Variants in FBXL17 observed in about 807,000 individuals in gnomAD.
FBXL17 encodes the protein F-box and leucine rich repeat protein 17.
In FBXL17, 22 loss-of-function variants were observed where a neutral mutation model predicts 66.2. That is an observed-to-expected ratio of 0.33 (90% CI 0.24 to 0.47). FBXL17 has a LOEUF of 0.47. Among genes scored for constraint, FBXL17 ranks in the 20% least tolerant of loss-of-function variants. The probability of loss-of-function intolerance (pLI) is 1.00; values close to 1 mark genes in which losing one functional copy is unlikely to be tolerated. For missense variants in FBXL17, 878 were observed against 948.2 expected (o/e 0.93, Z 0.97); for synonymous variants, 474 against 400.5 (o/e 1.18, Z -2.19).
chr5:107,872,094 A>T (rs775603252), intron 8 of FBXL17, among the ~76,000 whole-genome samples: 64 of 152,230 alleles, frequency 4.2e-4, no homozygotes, highest in Non-Finnish European at 5.4e-4. Flanking sequence ...CAAATTTATG[A>T]TCAGCAAAAA....
intron 7 of FBXL17, among the ~76,000 whole-genome samples, chr5:107,991,244 T>C (rs990362829): frequency 2.0e-5 from 3 of 152,140 alleles, no homozygotes; most frequent in Admixed American, 6.5e-5. Flanking sequence ...CTCGCTTAGA[T>C]GTTGAGAAGT....
chr5:108,297,130 T>C (rs913856402), intron 4 of FBXL17, among the ~76,000 whole-genome samples: 2 of 151,536 alleles, frequency 1.3e-5, no homozygotes, highest in Non-Finnish European at 3.0e-5. Flanking sequence ...AATAACTCCA[T>C]AAATAAACAG....
In FBXL17 at chr5:108,381,683, G is replaced by A. The variant is rs1038786857; in HGVS notation, c.9C>T (p.His3=). 20 of 1,474,896 alleles carry A rather than the reference G, an allele frequency of 1.4e-5. No individual in the cohort carries two copies. Among genetic ancestry groups the A allele is most frequent in the Non-Finnish European group, 1.6e-5 (18 of 1,118,060 alleles). 91.4% of individuals were successfully genotyped at this position (1,474,896 alleles called of 1,614,324 possible). MG[H]LLSKEPRNRP... ...GGTTACGCGGCTCCTTCGAGAGAAG[G>A]TGGCCCATATAGAAGGCCCCGAGGA... The change falls in exon 1 of 9, where the codon CAC becomes CAT. Residue 3 remains histidine, a synonymous_variant. Transcript: ENST00000542267.
At chr5:108,053,483 C>A (rs901159184) in intron 6 of FBXL17, among the ~76,000 whole-genome samples, 15 of 151,876 alleles carry the variant, frequency 9.9e-5, no homozygotes, top group African/African-American at 3.4e-4. Context: ...ACCTAGACAA[C>A]AGAGTGAGAC....
At chr5:108,283,947 C>T (rs190797289) in intron 4 of FBXL17, among the ~76,000 whole-genome samples, 167 of 152,014 alleles carry the variant, frequency 1.1e-3, no homozygotes, top group Non-Finnish European at 1.7e-3. Context: ...TACTCCACAT[C>T]GCTAATCATC....
At chr5:107,937,529 T>C (rs1038131871) in intron 7 of FBXL17, among the ~76,000 whole-genome samples, 25 of 152,120 alleles carry the variant, frequency 1.6e-4, no homozygotes, top group African/African-American at 5.8e-4. Context: ...GTAAATCCAG[T>C]GGCCAAAATG....
chr5:108,010,901 A>G (rs899355347), intron 7 of FBXL17, among the ~76,000 whole-genome samples: 1 of 152,200 alleles, frequency 6.6e-6, no homozygotes, highest in Non-Finnish European at 1.5e-5. Context: ...ACAATTACAT[A>G]CCATTCCTGC....
At chr5:108,184,748 A>C (rs956928526) in intron 6 of FBXL17, among the ~76,000 whole-genome samples, 2 of 17,142 alleles carry the variant, frequency 1.2e-4, no homozygotes, top group African/African-American at 3.3e-4. Context: ...ACTCGGTCTC[A>C]AAAAAAAAAA....
intron 8 of FBXL17, chr5:107,880,821 A>C: frequency 7.3e-7 from 1 of 1,361,062 alleles, no homozygotes. Context: ...ACTTAAGCAC[A>C]AAATTCATTA....
intron 7 of FBXL17, among the ~76,000 whole-genome samples, chr5:107,925,159 C>G (rs1016817598): frequency 6.6e-6 from 1 of 152,138 alleles, no homozygotes; most frequent in Admixed American, 6.5e-5. Flanking sequence ...CTGAAATGTT[C>G]CTCAGTGCCA....
intron 4 of FBXL17, among the ~76,000 whole-genome samples, chr5:108,248,075 T>G (rs1367845572): frequency 6.6e-6 from 1 of 152,184 alleles, no homozygotes; most frequent in Non-Finnish European, 1.5e-5. Flanking sequence ...GAGAATTCAT[T>G]GCTCTGTTGC....
At chr5:108,184,353 C>T (rs1753137087) in intron 6 of FBXL17, among the ~76,000 whole-genome samples, 1 of 152,094 alleles carries the variant, frequency 6.6e-6, no homozygotes, top group Admixed American at 6.5e-5. Flanking sequence ...ATCACCCAGG[C>T]TGGAGTGTAG....
intron 7 of FBXL17, among the ~76,000 whole-genome samples, chr5:108,008,706 G>A (rs753745220): frequency 2.6e-5 from 4 of 152,156 alleles, no homozygotes; most frequent in South Asian, 2.1e-4. Flanking sequence ...CTGGATGCGC[G>A]CAGCTTGGTT....
At chr5:108,119,245 C>T (rs554607786) in intron 6 of FBXL17, among the ~76,000 whole-genome samples, 2 of 152,322 alleles carry the variant, frequency 1.3e-5, no homozygotes, top group African/African-American at 4.8e-5. Flanking sequence ...CTGCCTGACC[C>T]TGGCATGGAT....
intron 4 of FBXL17, among the ~76,000 whole-genome samples, chr5:108,250,930 C>T (rs1756321530): frequency 6.6e-6 from 1 of 152,000 alleles, no homozygotes; most frequent in Admixed American, 6.6e-5. Context: ...TATTTAATAG[C>T]TACACAGTAT....
chr5:107,880,626 A>G, intron 8 of FBXL17: 3 of 1,128,968 alleles, frequency 2.7e-6, no homozygotes, highest in Non-Finnish European at 3.2e-6. Context: ...ACACTTGTGA[A>G]AAACCAATTT....
At chr5:108,316,151 C>A (rs577345024) in intron 4 of FBXL17, among the ~76,000 whole-genome samples, 2 of 151,420 alleles carry the variant, frequency 1.3e-5, no homozygotes, top group East Asian at 3.9e-4. Context: ...TAAAACTCTA[C>A]CCTTAAGAAA....
chr5:108,133,089 G>C (rs1432532441), intron 6 of FBXL17, among the ~76,000 whole-genome samples: 1 of 152,062 alleles, frequency 6.6e-6, no homozygotes, highest in Non-Finnish European at 1.5e-5. Flanking sequence ...AGATTCTAGA[G>C]GAACACGAAG....
At chr5:108,062,578 A>G (rs1165505369) in intron 6 of FBXL17, among the ~76,000 whole-genome samples, 1 of 152,204 alleles carries the variant, frequency 6.6e-6, no homozygotes, top group South Asian at 2.1e-4. Context: ...TGAATTCTAC[A>G]CTATAGGAAA....
Sources: allele counts gnomAD v4.1 joint callset (sites outside exome capture counted in the v4.1 genomes callset), GRCh38; gene constraint gnomAD v4.1.1; transcripts MANE v1.5; gene names NCBI Gene and HGNC (gene_info 2026-07-23, HGNC 2026-07-21).